The following RORB variants were observed in gnomAD, a reference collection of about 807,000 sequenced individuals.
RORB encodes RAR related orphan receptor B, also known as nuclear receptor ROR-beta.
Under a neutral mutation model 59.1 loss-of-function variants are expected in RORB, and 6 were observed. The ratio of observed to expected loss-of-function variants is 0.10; its 90% CI spans 0.06 to 0.20. RORB has a LOEUF of 0.20. Among genes scored for constraint, RORB ranks in the 10% least tolerant of loss-of-function variants. RORB has a pLI of 1.00. For synonymous variants in RORB, 215 were observed against 204.5 expected (o/e 1.05, Z -0.44); for missense variants, 320 against 560.5 (o/e 0.57, Z 4.33).
At chr9:74,601,061 A>G (rs553518181) in intron 1 of RORB, among the ~76,000 whole-genome samples, 4 of 152,228 alleles carry the variant, frequency 2.6e-5, no homozygotes, top group Admixed American at 2.0e-4. Flanking sequence ...ATAACACTCA[A>G]TGTCAGTAAG....
intron 8 of RORB, among the ~76,000 whole-genome samples, chr9:74,670,173 A>G (rs1244312729): frequency 6.6e-6 from 1 of 152,140 alleles, no homozygotes; most frequent in East Asian, 1.9e-4. Flanking sequence ...CACATGCCAA[A>G]TAATTTTCCT....
intron 1 of RORB, among the ~76,000 whole-genome samples, chr9:74,604,011 T>C (rs1823110918): frequency 6.6e-6 from 1 of 151,814 alleles, no homozygotes; most frequent in Non-Finnish European, 1.5e-5. Context: ...AAGCTGGTAC[T>C]ATGTTCTTGT....
intron 4 of RORB, among the ~76,000 whole-genome samples, chr9:74,645,962 T>C (rs1823890629): frequency 6.6e-6 from 1 of 152,158 alleles, no homozygotes; most frequent in African/African-American, 2.4e-5. Flanking sequence ...CACTACAAAC[T>C]GGAGCTTTCA....
chr9:74,669,216 C>T (rs920784904), intron 8 of RORB, among the ~76,000 whole-genome samples: 11 of 152,210 alleles, frequency 7.2e-5, no homozygotes, highest in Non-Finnish European at 1.0e-4. Context: ...TGGTGGCTCA[C>T]GCCTGTAATC....
chr9:74,498,011 C>A (rs1438474288), intron 1 of RORB, 28 bp downstream of exon 1: 2 of 1,606,456 alleles, frequency 1.2e-6, no homozygotes, highest in South Asian at 1.1e-5. Context: ...CACCGAGGCT[C>A]CCCGAGTCCG....
In RORB at chr9:74,622,040, A is replaced by AT. The variant is rs1014291142; in HGVS notation, c.8-8233dup. ...TTGATTTTTAACATAGAAAAGTTGT[A>AT]TTTTTTTTTCATTTTCTGAAACGAT... On this transcript the variant is annotated intron_variant, in intron 1 of 9. Coordinates refer to ENST00000376896, the MANE Select transcript of RORB (RefSeq NM_006914.4). Among the ~76,000 whole-genome samples the AT allele has an allele frequency of 7.3e-4, 110 of 150,726 alleles. 1 individual carries two copies. The highest frequency in any genetic ancestry group is 8.5e-4 in the South Asian group (4 of 4,730).
intron 1 of RORB, among the ~76,000 whole-genome samples, chr9:74,551,291 T>C (rs1213120282): frequency 6.6e-6 from 1 of 152,186 alleles, no homozygotes; most frequent in East Asian, 1.9e-4. Flanking sequence ...TTAAAGCACT[T>C]TATGGCTTCT....
chr9:74,510,349 A>C (rs899518591), intron 1 of RORB, among the ~76,000 whole-genome samples: 7 of 152,136 alleles, frequency 4.6e-5, no homozygotes, highest in African/African-American at 7.2e-5. Context: ...AGCATGTAAA[A>C]TATCTTCTTT....
intron 2 of RORB, 139 bp downstream of exon 2, chr9:74,630,506 G>A (rs1433304756): frequency 4.0e-6 from 2 of 498,060 alleles, no homozygotes; most frequent in African/African-American, 3.9e-5. Flanking sequence ...TTCTTGCGTG[G>A]TGGGTGGGAG....
chr9:74,677,636 T>A (rs1028643575), intron 9 of RORB, among the ~76,000 whole-genome samples: 3 of 152,154 alleles, frequency 2.0e-5, no homozygotes, highest in African/African-American at 7.2e-5. Flanking sequence ...CCCTGCCTAC[T>A]CCACACACAT....
chr9:74,558,428 T>C (rs1822340651), intron 1 of RORB, among the ~76,000 whole-genome samples: 1 of 152,144 alleles, frequency 6.6e-6, no homozygotes, highest in African/African-American at 2.4e-5. Flanking sequence ...TTAACTTAGT[T>C]CTCCTTCCCA....
intron 1 of RORB, among the ~76,000 whole-genome samples, chr9:74,575,639 A>T (rs1822623263): frequency 6.6e-6 from 1 of 152,096 alleles, no homozygotes; most frequent in Non-Finnish European, 1.5e-5. Context: ...AAAAGGCCCA[A>T]TTGTTAAAAA....
chr9:74,597,361 T>C (rs1822983228), intron 1 of RORB, among the ~76,000 whole-genome samples: 1 of 152,192 alleles, frequency 6.6e-6, no homozygotes, highest in Non-Finnish European at 1.5e-5. Context: ...AGGAACATTA[T>C]GTAGAGAGGC....
chr9:74,539,281 C>A (rs1442632730), intron 1 of RORB, among the ~76,000 whole-genome samples: 1 of 152,066 alleles, frequency 6.6e-6, no homozygotes, highest in Non-Finnish European at 1.5e-5. Context: ...AATTTATAGG[C>A]ATGTTTTGCA....
intron 1 of RORB, among the ~76,000 whole-genome samples, chr9:74,534,321 C>G (rs1826290318): frequency 6.6e-6 from 1 of 151,910 alleles, no homozygotes; most frequent in South Asian, 2.1e-4. Context: ...TTTCTTTGAT[C>G]TTATTTCCCT....
At chr9:74,505,939 G>A (rs551490400) in intron 1 of RORB, among the ~76,000 whole-genome samples, 1 of 150,584 alleles carries the variant, frequency 6.6e-6, no homozygotes, top group African/African-American at 2.4e-5. Flanking sequence ...AAGGTGAGAC[G>A]AGTATCAGTG....
intron 1 of RORB, among the ~76,000 whole-genome samples, chr9:74,532,803 C>CACATATATATGT (rs1826263946): frequency 7.1e-6 from 1 of 140,230 alleles, no homozygotes; most frequent in African/African-American, 2.7e-5. Context: ...TACATAGATA[C>CACATATATATGT]GTATATATAT....
chr9:74,581,829 A>G (rs1447291776), intron 1 of RORB, among the ~76,000 whole-genome samples: 1 of 152,172 alleles, frequency 6.6e-6, no homozygotes, highest in Non-Finnish European at 1.5e-5. Flanking sequence ...GGATTATTAC[A>G]TTATATATTT....
chr9:74,600,251 A>T (rs1195627073), intron 1 of RORB, among the ~76,000 whole-genome samples: 1 of 152,246 alleles, frequency 6.6e-6, no homozygotes, highest in East Asian at 1.9e-4. Context: ...TCTTGAAAGT[A>T]ATTCCTGGGT....
Sources: allele counts gnomAD v4.1 joint callset (sites outside exome capture counted in the v4.1 genomes callset), GRCh38; gene constraint gnomAD v4.1.1; transcripts MANE v1.5; gene names NCBI Gene and HGNC (gene_info 2026-07-23, HGNC 2026-07-21).